The following ERBB4 variants were observed in gnomAD, a reference collection of about 807,000 sequenced individuals.
The protein encoded by ERBB4 is erb-b2 receptor tyrosine kinase 4, also known as receptor tyrosine-protein kinase erbB-4.
ERBB4 carries 42 observed loss-of-function variants against 158.0 expected under a neutral mutation model. The ratio of observed to expected loss-of-function variants is 0.27; its 90% CI spans 0.21 to 0.34. ERBB4 has a LOEUF of 0.34. Ranked by LOEUF, ERBB4 falls within the 10% of genes least tolerant of loss-of-function variation. ERBB4 has a pLI of 1.00. For missense variants in ERBB4, 1,333 were observed against 1,624.1 expected (o/e 0.82, Z 3.08); for synonymous variants, 583 against 558.7 (o/e 1.04, Z -0.61).
rs144881298 is a variant in ERBB4 at position 211,660,360 on chromosome 2, C to A, written c.1872-2532G>T. 4.4e-3 allele frequency among the ~76,000 whole-genome samples: 669 copies of A among 151,992 alleles called. 5 individuals are homozygous for A. The highest frequency in any genetic ancestry group is 0.015 in the African/African-American group (632 of 41,476). ...AGGGAAATGGTAACTGTGTTGGAGG[C>A]AGAAGAACAGATTCAAGAAATACCT... On this transcript the variant is annotated intron_variant, in intron 15 of 27. Transcript: ENST00000342788.
At chr2:212,188,272 T>C (rs1288942173) in intron 1 of ERBB4, among the ~76,000 whole-genome samples, 4 of 87,780 alleles carry the variant, frequency 4.6e-5, no homozygotes, top group East Asian at 5.0e-4. Flanking sequence ...CCCTCTTCTC[T>C]CCCTCCCTCT....
intron 8 of ERBB4, 98 bp downstream of exon 8, chr2:211,713,437 G>C (rs1330056047): frequency 2.7e-6 from 2 of 749,210 alleles, no homozygotes; most frequent in Admixed American, 2.0e-5. Context: ...TTGGTTGTGA[G>C]AGTGGGTTTA....
chr2:211,691,112 T>C, intron 12 of ERBB4, among the ~76,000 whole-genome samples: 1 of 152,294 alleles, frequency 6.6e-6, no homozygotes, highest in East Asian at 1.9e-4. Flanking sequence ...TTTGGACAGG[T>C]ATTGTTCATC....
intron 1 of ERBB4, among the ~76,000 whole-genome samples, chr2:212,314,317 T>C (rs1449946258): frequency 2.0e-5 from 3 of 150,848 alleles, no homozygotes; most frequent in Non-Finnish European, 4.5e-5. Flanking sequence ...TTTCAAGCAC[T>C]TTTTTTCTGA....
Position 211,957,022 on chromosome 2 carries a change from G to A in ERBB4, c.235-9406C>T, listed in dbSNP as rs187307324. On this transcript the variant is annotated intron_variant, in intron 2 of 27. Coordinates refer to ENST00000342788, the MANE Select transcript of ERBB4 (RefSeq NM_005235.3). ...AATTTTTTTTCCAGTAGAGATGGGG[G>A]TCTCATTATGTTGCTGTGGCTGGTT... Among the ~76,000 whole-genome samples the A allele has an allele frequency of 5.3e-5, 8 of 151,828 alleles. No homozygotes were observed. In the East Asian group the frequency reaches 1.2e-3, roughly 22 times the overall value.
intron 17 of ERBB4, among the ~76,000 whole-genome samples, chr2:211,628,649 T>C (rs186002259): frequency 0.011 from 1,719 of 152,342 alleles, 39 homozygotes; most frequent in African/African-American, 0.038. Flanking sequence ...TGTGTCTTTA[T>C]AGCAGCATGA....
chr2:212,087,656 G>A (rs947320092), intron 2 of ERBB4, among the ~76,000 whole-genome samples: 44 of 151,992 alleles, frequency 2.9e-4, no homozygotes, highest in African/African-American at 1.1e-3. Context: ...AGGAGGCCGG[G>A]AGACAGGTTC....
At chr2:212,235,093 GT>G in intron 1 of ERBB4, among the ~76,000 whole-genome samples, 1 of 152,104 alleles carries the variant, frequency 6.6e-6, no homozygotes, top group East Asian at 1.9e-4. Context: ...TTCTTCTAGG[GT>G]TTTTATGGTT....
chr2:212,001,326 G>T (rs2125279693), intron 2 of ERBB4, among the ~76,000 whole-genome samples: 1 of 151,990 alleles, frequency 6.6e-6, no homozygotes, highest in Middle Eastern at 3.4e-3. Flanking sequence ...TAGTTTTATT[G>T]CCCAGTGTGT....
chr2:212,538,579 A>C lies in ERBB4; in HGVS notation c.-49T>G. ...GCTGACAATTACATGTCCAAATGGC[A>C]TATCCCCCTTTCGGGCACGCGGAGG... On this transcript the variant is annotated 5_prime_UTR_variant, in exon 1 of 28. The change abolishes an upstream ATG in the 5' untranslated region. Transcript: ENST00000342788. 6.4e-7 allele frequency: 1 copy of C among 1,557,144 alleles called. No individual in the cohort carries two copies. The highest frequency in any genetic ancestry group is 1.1e-5 in the South Asian group (1 of 90,038).
chr2:211,750,719 A>G lies in ERBB4; in HGVS notation c.557-15T>C, dbSNP rs752519317. Reference sequence around the variant, plus strand: ...GCAACGTCCACCTGCAGAACACGAAAAGGGAAAAAGGACATGCACGTTATA... The same window carrying G: ...GCAACGTCCACCTGCAGAACACGAAGAGGGAAAAAGGACATGCACGTTATA... On this transcript the variant is annotated splice_polypyrimidine_tract_variant and intron_variant, in intron 4 of 27. Coordinates refer to ENST00000342788, the MANE Select transcript of ERBB4 (RefSeq NM_005235.3). 1 of 1,610,870 alleles carries G rather than the reference A, an allele frequency of 6.2e-7. No homozygotes were observed. Among genetic ancestry groups the G allele is most frequent in the African/African-American group, 1.3e-5 (1 of 74,850 alleles).
chr2:211,542,387 A>T (rs1336203005), intron 20 of ERBB4, among the ~76,000 whole-genome samples: 2 of 151,868 alleles, frequency 1.3e-5, no homozygotes, highest in Non-Finnish European at 2.9e-5. Flanking sequence ...CTCTTCTTGG[A>T]TTCTGACTTC....
At position 212,538,472 on chromosome 2, in the gene ERBB4, A is replaced by C. The variant is rs2106366134; in HGVS notation, c.59T>G (p.Val20Gly). 6.2e-7 allele frequency: 1 copy of C among 1,613,914 alleles called. No individual in the cohort carries two copies. The highest frequency in any genetic ancestry group is 8.5e-7 in the Non-Finnish European group (1 of 1,179,862). The change falls in exon 1 of 28, where the codon GTC becomes GGC. Residue 20 changes from valine (V) to glycine (G), a missense_variant. By Grantham distance (109) the Val-to-Gly change is moderately radical. Transcript: ENST00000342788. Reference sequence around the variant, plus strand: ...ACCTGACTGAGAATCGCTGGGCTGGACGGTCCCCGCCGCCACGAGAAGGCT... The same window carrying C: ...ACCTGACTGAGAATCGCTGGGCTGGCCGGTCCCCGCCGCCACGAGAAGGCT... ...WVSLLVAAGT[V>G]QPSDSQSVCA...
intron 20 of ERBB4, among the ~76,000 whole-genome samples, chr2:211,545,327 T>C (rs912249884): frequency 1.3e-5 from 2 of 152,030 alleles, no homozygotes; most frequent in African/African-American, 4.8e-5. Context: ...TGAATAGTAA[T>C]GACATCATGG....
intron 1 of ERBB4, among the ~76,000 whole-genome samples, chr2:212,395,346 A>C (rs78537015): frequency 0.018 from 2,777 of 152,026 alleles, 73 homozygotes; most frequent in East Asian, 0.065. Context: ...TATATATTAT[A>C]ATAATATTTT....
intron 20 of ERBB4, among the ~76,000 whole-genome samples, chr2:211,516,815 T>C (rs1471438937): frequency 1.3e-5 from 2 of 152,118 alleles, no homozygotes; most frequent in Middle Eastern, 3.2e-3. Context: ...GCAAATAGAA[T>C]AGGAGAACCC....
chr2:212,019,919 A>G (rs1389704683), intron 2 of ERBB4, among the ~76,000 whole-genome samples: 1 of 152,108 alleles, frequency 6.6e-6, no homozygotes, highest in Non-Finnish European at 1.5e-5. Context: ...TGTTAAGTAT[A>G]CTTGCAGTCA....
intron 2 of ERBB4, among the ~76,000 whole-genome samples, chr2:211,993,779 T>TA (rs1054041936): frequency 2.0e-5 from 3 of 150,736 alleles, no homozygotes; most frequent in African/African-American, 7.3e-5. Flanking sequence ...TTTCTGCTTT[T>TA]AAAAAAAAGA....
intron 3 of ERBB4, among the ~76,000 whole-genome samples, chr2:211,862,909 G>A (rs2078100584): frequency 6.6e-6 from 1 of 152,124 alleles, no homozygotes; most frequent in Non-Finnish European, 1.5e-5. Flanking sequence ...TCAGCGCTCT[G>A]TGTCTAACTA....
Sources: allele counts gnomAD v4.1 joint callset (sites outside exome capture counted in the v4.1 genomes callset), GRCh38; gene constraint gnomAD v4.1.1; transcripts MANE v1.5; gene names NCBI Gene and HGNC (gene_info 2026-07-23, HGNC 2026-07-21).